The following CPA6 variants were observed in gnomAD, a reference collection of about 807,000 sequenced individuals.
The protein encoded by CPA6 is carboxypeptidase A6.
A neutral mutation model predicts 63.3 loss-of-function variants in CPA6; 58 were observed. The observed-to-expected ratio is 0.92, with a 90% CI of 0.74 to 1.14. The LOEUF (loss-of-function observed/expected upper bound fraction) is 1.14. Among genes scored for constraint, CPA6 ranks in the 50% most tolerant of loss-of-function variants. The probability of loss-of-function intolerance (pLI) is 0.00; values close to 1 mark genes in which losing one functional copy is unlikely to be tolerated. For missense variants in CPA6, 565 were observed against 526.6 expected (o/e 1.07, Z -0.71); for synonymous variants, 185 against 179.0 (o/e 1.03, Z -0.27).
At chr8:67,475,863 CTTT>C (rs1811196880) in intron 8 of CPA6, among the ~76,000 whole-genome samples, 6 of 80,762 alleles carry the variant, frequency 7.4e-5, no homozygotes, top group East Asian at 6.8e-4. Context: ...TTCTTTCTTT[CTTT>C]CTTTCTTTCT....
At chr8:67,617,599 C>G (rs568071688) in intron 2 of CPA6, among the ~76,000 whole-genome samples, 1 of 152,336 alleles carries the variant, frequency 6.6e-6, no homozygotes, top group East Asian at 1.9e-4. Context: ...CTTCAGCCAG[C>G]ATACCAAGCC....
chr8:67,510,581 T>G (rs1812022024), intron 4 of CPA6, among the ~76,000 whole-genome samples: 1 of 152,156 alleles, frequency 6.6e-6, no homozygotes, highest in South Asian at 2.1e-4. Context: ...ATGAAATATG[T>G]GGAGATAATT....
intron 7 of CPA6, among the ~76,000 whole-genome samples, chr8:67,484,249 T>C (rs940544159): frequency 2.6e-5 from 4 of 151,974 alleles, no homozygotes; most frequent in Admixed American, 2.6e-4. Context: ...TTTTTTTGTA[T>C]TTTTAGTAGA....
chr8:67,716,676 G>T (rs1369579653), intron 1 of CPA6, among the ~76,000 whole-genome samples: 1 of 152,214 alleles, frequency 6.6e-6, no homozygotes, highest in Non-Finnish European at 1.5e-5. Context: ...GAGGTGTGCA[G>T]CTTCTTTTAT....
intron 5 of CPA6, among the ~76,000 whole-genome samples, chr8:67,507,638 A>G (rs1811957836): frequency 6.6e-6 from 1 of 152,212 alleles, no homozygotes; most frequent in South Asian, 2.1e-4. Flanking sequence ...AGATTCAAAC[A>G]TGAAAATACA....
chr8:67,443,794 A>T (rs988463264), intron 8 of CPA6, among the ~76,000 whole-genome samples: 1 of 152,154 alleles, frequency 6.6e-6, no homozygotes, highest in African/African-American at 2.4e-5. Flanking sequence ...ATCAAGACAC[A>T]ATTACAACAA....
chr8:67,599,719 A>G (rs150336783), intron 2 of CPA6, among the ~76,000 whole-genome samples: 3 of 152,324 alleles, frequency 2.0e-5, no homozygotes, highest in African/African-American at 7.2e-5. Flanking sequence ...ATTTTATTTT[A>G]TAGCATTTAG....
intron 1 of CPA6, among the ~76,000 whole-genome samples, chr8:67,733,988 C>T (rs1193293362): frequency 2.0e-5 from 3 of 151,738 alleles, no homozygotes; most frequent in Non-Finnish European, 4.4e-5. Context: ...GATCCTCCTG[C>T]CTTGGCGTCC....
intron 9 of CPA6, among the ~76,000 whole-genome samples, chr8:67,428,584 A>T (rs574880472): frequency 2.6e-4 from 40 of 152,278 alleles, no homozygotes; most frequent in African/African-American, 9.6e-4. Flanking sequence ...CCTGGGTTCA[A>T]GCGATTCCCC....
At chr8:67,569,193 CA>C (rs1295380456) in intron 2 of CPA6, among the ~76,000 whole-genome samples, 2 of 151,952 alleles carry the variant, frequency 1.3e-5, no homozygotes, top group East Asian at 1.9e-4. Flanking sequence ...ATCAAACTGT[CA>C]AAAATTAAAG....
At chr8:67,521,609 G>A (rs1421568788) in intron 2 of CPA6, among the ~76,000 whole-genome samples, 1 of 152,214 alleles carries the variant, frequency 6.6e-6, no homozygotes, top group Non-Finnish European at 1.5e-5. Flanking sequence ...TATTTGAAAA[G>A]CATATGAAAA....
intron 2 of CPA6, among the ~76,000 whole-genome samples, chr8:67,568,223 T>C (rs1332081513): frequency 6.6e-6 from 1 of 151,792 alleles, no homozygotes; most frequent in Non-Finnish European, 1.5e-5. Flanking sequence ...TAAACACCAA[T>C]GCAAAGACAT....
At chr8:67,709,220 C>G (rs1817202777) in intron 1 of CPA6, among the ~76,000 whole-genome samples, 1 of 152,108 alleles carries the variant, frequency 6.6e-6, no homozygotes, top group Non-Finnish European at 1.5e-5. Context: ...GCAGGCCACC[C>G]CAAGGGAAGA....
Position 67,607,181 on chromosome 8 carries a change from T to C in CPA6, c.192+16995A>G, listed in dbSNP as rs12546731. On this transcript the variant is annotated intron_variant, in intron 2 of 10. Coordinates refer to ENST00000297770, the MANE Select transcript of CPA6 (RefSeq NM_020361.5). ...CTTCTTCTTCTTCCTCTTCTTCTTC[T>C]TCTTCTTCTTCTTCTTCTTCTTCTT... Among the ~76,000 whole-genome samples, 31 of 17,610 alleles carry C rather than the reference T, an allele frequency of 1.8e-3. 2 individuals are homozygous for C. The highest frequency in any genetic ancestry group is 8.5e-3 in the South Asian group (2 of 234). 11.6% of individuals were successfully genotyped at this position (17,610 alleles called of 152,430 possible). A position where few individuals can be genotyped will look rare whatever the true frequency, so the allele number is the denominator to read the frequency against.
chr8:67,629,305 AAAATAAATAAAT>A (rs558176637), intron 1 of CPA6, among the ~76,000 whole-genome samples: 18 of 151,502 alleles, frequency 1.2e-4, no homozygotes, highest in Non-Finnish European at 2.1e-4. Flanking sequence ...TGTCTCCGCA[AAAATAAATAAAT>A]AAATAAATAA....
intron 2 of CPA6, among the ~76,000 whole-genome samples, chr8:67,593,708 C>T (rs781487593): frequency 0.041 from 6,201 of 150,586 alleles, 213 homozygotes; most frequent in African/African-American, 0.096. Flanking sequence ...GGCTTGCAAC[C>T]CCTGCCTTTT....
chr8:67,607,169 CTCTTCTTCTTCTTCT>C (rs1211819002), intron 2 of CPA6, among the ~76,000 whole-genome samples: 1,137 of 28,270 alleles, frequency 0.04, 61 homozygotes, highest in East Asian at 0.045. Context: ...CTTCTTCTTC[CTCTTCTTCTTCTTCT>C]TCTTCTTCTT....
intron 2 of CPA6, among the ~76,000 whole-genome samples, chr8:67,584,988 A>G (rs1041031189): frequency 6.6e-6 from 1 of 151,962 alleles, no homozygotes; most frequent in African/African-American, 2.4e-5. Context: ...CATTCGATAA[A>G]GAGCTGAAAG....
intron 1 of CPA6, among the ~76,000 whole-genome samples, chr8:67,641,058 A>C (rs998295707): frequency 2.6e-5 from 4 of 151,682 alleles, no homozygotes; most frequent in African/African-American, 9.8e-5. Flanking sequence ...CACCGCTGCC[A>C]CTGCTGCTTG....
Sources: gnomAD v4.1 joint callset for allele counts (sites outside exome capture counted in the v4.1 genomes callset) on GRCh38, gnomAD v4.1.1 for gene constraint, MANE v1.5 for transcripts, NCBI Gene and HGNC (gene_info 2026-07-23, HGNC 2026-07-21) for gene names.